The following PDZD2 variants were observed in gnomAD, a reference collection of about 807,000 sequenced individuals.
PDZD2 encodes PDZ domain-containing protein 2.
A neutral mutation model predicts 220.7 loss-of-function variants in PDZD2; 90 were observed. That is an observed-to-expected ratio of 0.41 (90% CI 0.34 to 0.49). The LOEUF is 0.49. Ranked by LOEUF, PDZD2 falls within the 20% of genes least tolerant of loss-of-function variation. PDZD2 has a pLI of 0.28. For missense variants in PDZD2, 3,174 were observed against 3,608.5 expected (o/e 0.88, Z 3.08); for synonymous variants, 1,375 against 1,450.5 (o/e 0.95, Z 1.18).
At chr5:31,869,607 G>A (rs1347902057) in intron 2 of PDZD2, among the ~76,000 whole-genome samples, 5 of 152,118 alleles carry the variant, frequency 3.3e-5, no homozygotes, top group African/African-American at 4.8e-5. Context: ...TATTGACTGC[G>A]ATGAGCACCT....
At chr5:31,773,507 G>T (rs1305647064) in intron 1 of PDZD2, among the ~76,000 whole-genome samples, 1 of 150,400 alleles carries the variant, frequency 6.6e-6, no homozygotes, top group Non-Finnish European at 1.5e-5. Flanking sequence ...AAAAATTAGT[G>T]AAGCATGGTG....
chr5:32,078,659 A>AAAG (rs1741583028), intron 19 of PDZD2, among the ~76,000 whole-genome samples: 1 of 148,548 alleles, frequency 6.7e-6, no homozygotes, highest in Non-Finnish European at 1.5e-5. Flanking sequence ...AAAAAAAAAA[A>AAAG]GGAAATTAGT....
At chr5:31,718,834 G>A (rs1239067352) in intron 1 of PDZD2, among the ~76,000 whole-genome samples, 1 of 151,644 alleles carries the variant, frequency 6.6e-6, no homozygotes, top group East Asian at 1.9e-4. Context: ...CCGAGTAGCT[G>A]GAATTACAGG....
chr5:31,957,659 A>T (rs1581159153), intron 2 of PDZD2, among the ~76,000 whole-genome samples: 1 of 152,156 alleles, frequency 6.6e-6, no homozygotes, highest in South Asian at 2.1e-4. Flanking sequence ...CCAGCTTGGT[A>T]TCATAACATC....
intron 1 of PDZD2, among the ~76,000 whole-genome samples, chr5:31,726,464 C>T (rs1050793537): frequency 5.3e-5 from 8 of 152,098 alleles, no homozygotes; most frequent in South Asian, 2.1e-4. Context: ...AAGAGGTGGA[C>T]GTTGCAGTAA....
intron 4 of PDZD2, among the ~76,000 whole-genome samples, chr5:31,998,896 C>T (rs1751868708): frequency 1.3e-5 from 2 of 152,244 alleles, no homozygotes; most frequent in African/African-American, 4.8e-5. Context: ...TCTGCCTCAC[C>T]AGCTTTCCTA....
At chr5:32,072,797 CAG>C (rs529004554) in intron 17 of PDZD2, among the ~76,000 whole-genome samples, 102 of 152,278 alleles carry the variant, frequency 6.7e-4, no homozygotes, top group Admixed American at 1.5e-3. Context: ...ATTCTATAGT[CAG>C]GGGTGGATGG....
Position 31,841,072 on chromosome 5 carries a change from A to C in PDZD2, c.476+41348A>C, listed in dbSNP as rs1757271302. On this transcript the variant is annotated intron_variant, in intron 2 of 24. Coordinates refer to ENST00000438447, the MANE Select transcript of PDZD2 (RefSeq NM_178140.4). ...ATGTTATCAAAAGGAAAAACATTTA[A>C]ATTATAAAAGCACTACTACTGAGTT... 1.5e-5 allele frequency: 4 copies of C among 266,546 alleles called. No homozygotes were observed. In the South Asian group the frequency reaches 2.9e-4, roughly 19 times the overall value. The allele number at this position is 266,546 out of a possible 1,614,324, so 16.5% of individuals were successfully genotyped here.
At chr5:31,778,921 CTT>C (rs555121517) in intron 1 of PDZD2, among the ~76,000 whole-genome samples, 74 of 152,332 alleles carry the variant, frequency 4.9e-4, no homozygotes, top group Non-Finnish European at 8.7e-4. Flanking sequence ...CCTTCAAAGA[CTT>C]TGCATATCAA....
Position 32,014,706 on chromosome 5 carries a change from C to CTTTTTTTTTTTTTTTTTT in PDZD2, c.1407+4235_1407+4252dup, listed in dbSNP as rs556276502. ...ATTTTCTGCTCTGCAATGACAATTT[C>CTTTTTTTTTTTTTTTTTT]TTTTTTTTTTTTTTTTTTTTTTTTT... On this transcript the variant is annotated intron_variant, in intron 6 of 24. Coordinates refer to ENST00000438447, the MANE Select transcript of PDZD2 (RefSeq NM_178140.4). Among the ~76,000 whole-genome samples, 437 of 95,418 alleles carry CTTTTTTTTTTTTTTTTTT rather than the reference C, an allele frequency of 4.6e-3. 105 individuals are homozygous for CTTTTTTTTTTTTTTTTTT. The highest frequency in any genetic ancestry group is 0.018 in the African/African-American group (421 of 22,894). 62.6% of individuals were successfully genotyped at this position (95,418 alleles called of 152,430 possible). A position where few individuals can be genotyped will look rare whatever the true frequency, so the allele number is the denominator to read the frequency against.
At chr5:31,895,730 C>T (rs766728002) in intron 2 of PDZD2, among the ~76,000 whole-genome samples, 1 of 152,008 alleles carries the variant, frequency 6.6e-6, no homozygotes, top group Non-Finnish European at 1.5e-5. Context: ...AATACACATA[C>T]CTCCCTCATG....
chr5:31,674,353 C>A (rs1421563369), intron 1 of PDZD2, among the ~76,000 whole-genome samples: 1 of 152,196 alleles, frequency 6.6e-6, no homozygotes, highest in Non-Finnish European at 1.5e-5. Flanking sequence ...TTATGCTACA[C>A]TTATGGCCTT....
At chr5:31,670,656 C>T (rs143801294) in intron 1 of PDZD2, among the ~76,000 whole-genome samples, 2,844 of 151,836 alleles carry the variant, frequency 0.019, 69 homozygotes, top group African/African-American at 0.063. Flanking sequence ...TTCCTGACCT[C>T]GTGATCCGCC....
intron 10 of PDZD2, among the ~76,000 whole-genome samples, chr5:32,056,193 G>A (rs895958015): frequency 3.9e-5 from 6 of 152,088 alleles, no homozygotes; most frequent in African/African-American, 1.4e-4. Flanking sequence ...TGAGTAATTG[G>A]TTATGCCAGA....
At chr5:31,718,485 T>A (rs1221912976) in intron 1 of PDZD2, among the ~76,000 whole-genome samples, 1 of 152,188 alleles carries the variant, frequency 6.6e-6, no homozygotes, top group Non-Finnish European at 1.5e-5. Flanking sequence ...ACATTTATTA[T>A]CCCACAGTTC....
At chr5:32,070,665 T>C (rs537674842) in intron 15 of PDZD2, among the ~76,000 whole-genome samples, 42 of 152,342 alleles carry the variant, frequency 2.8e-4, no homozygotes, top group African/African-American at 9.6e-4. Flanking sequence ...CATTCAGCAA[T>C]TATCACCGAA....
Position 31,725,839 on chromosome 5 carries a change from G to A in PDZD2, c.-360-73050G>A, listed in dbSNP as rs186865780. On this transcript the variant is annotated intron_variant, in intron 1 of 24. Coordinates refer to ENST00000438447, the MANE Select transcript of PDZD2 (RefSeq NM_178140.4). ...TTTGGTGTTTGAATCTCTCATTGCC[G>A]GAATGGCTTCTGCTACGCCGTGGTC... 2.8e-4 allele frequency: 228 copies of A among 808,610 alleles called. 2 individuals carry two copies. In the African/African-American group the frequency reaches 3.3e-3, roughly 12 times the overall value. The allele number at this position is 808,610 out of a possible 1,614,324, so 50.1% of individuals were successfully genotyped here. A position where few individuals can be genotyped will look rare whatever the true frequency, so the allele number is the denominator to read the frequency against.
intron 1 of PDZD2, among the ~76,000 whole-genome samples, chr5:31,743,619 A>G (rs567648596): frequency 6.6e-6 from 1 of 152,306 alleles, no homozygotes; most frequent in South Asian, 2.1e-4. Context: ...AAATAGGGGA[A>G]TGGCTCTTTT....
At chr5:31,891,127 C>CTT (rs869189606) in intron 2 of PDZD2, among the ~76,000 whole-genome samples, 35 of 96,418 alleles carry the variant, frequency 3.6e-4, no homozygotes, top group East Asian at 8.4e-4. Context: ...GGGGTTTTTC[C>CTT]TTTTTTTTTT....
Sources: allele counts gnomAD v4.1 joint callset (sites outside exome capture counted in the v4.1 genomes callset), GRCh38; gene constraint gnomAD v4.1.1; transcripts MANE v1.5; gene names NCBI Gene and HGNC (gene_info 2026-07-23, HGNC 2026-07-21).